WWOX: variants seen among roughly 807,000 people sequenced by gnomAD.
The protein encoded by WWOX is WW domain-containing oxidoreductase.
Under a neutral mutation model 46.2 loss-of-function variants are expected in WWOX, and 69 were observed. The ratio of observed to expected loss-of-function variants is 1.49; its 90% CI spans 1.23 to 1.82. The LOEUF (loss-of-function observed/expected upper bound fraction) is 1.82, where lower values mean the gene tolerates loss of function less well. Ranked by LOEUF, WWOX falls within the 40% of genes most tolerant of loss-of-function variation. WWOX has a pLI of 0.00. For synonymous variants in WWOX, 359 were observed against 202.6 expected (o/e 1.77, Z -6.56); for missense variants, 919 against 542.6 (o/e 1.69, Z -6.89).
At chr16:78,729,840 C>G (rs1446610666) in intron 8 of WWOX, among the ~76,000 whole-genome samples, 2 of 152,254 alleles carry the variant, frequency 1.3e-5, no homozygotes, top group Non-Finnish European at 2.9e-5. Context: ...CTATGCAGTG[C>G]TTTCTTCCTG....
At chr16:78,637,809 C>G (rs1417676444) in intron 8 of WWOX, among the ~76,000 whole-genome samples, 1 of 152,068 alleles carries the variant, frequency 6.6e-6, no homozygotes, top group Non-Finnish European at 1.5e-5. Flanking sequence ...GTAACATTGT[C>G]CCAGGCCAGG....
chr16:78,671,380 G>C (rs1236150789), intron 8 of WWOX, among the ~76,000 whole-genome samples: 1 of 152,204 alleles, frequency 6.6e-6, no homozygotes, highest in African/African-American at 2.4e-5. Flanking sequence ...AGCTGAGATT[G>C]TGCCACTGCA....
At chr16:78,603,932 A>G (rs962017419) in intron 8 of WWOX, among the ~76,000 whole-genome samples, 3 of 152,052 alleles carry the variant, frequency 2.0e-5, no homozygotes, top group Non-Finnish European at 4.4e-5. Flanking sequence ...GCTTGAGCCT[A>G]GGAGTTCAAG....
chr16:78,702,388 G>A (rs931071454), intron 8 of WWOX, among the ~76,000 whole-genome samples: 1 of 152,010 alleles, frequency 6.6e-6, no homozygotes, highest in East Asian at 1.9e-4. Flanking sequence ...GGTAGCTCAC[G>A]CCTGTAATTC....
At chr16:79,185,898 A>G (rs1222187018) in intron 8 of WWOX, among the ~76,000 whole-genome samples, 4 of 152,072 alleles carry the variant, frequency 2.6e-5, no homozygotes, top group Non-Finnish European at 5.9e-5. Context: ...GAGGCCTGAT[A>G]TTAGGAAAAA....
At chr16:78,271,736 T>C (rs2079480846) in intron 5 of WWOX, among the ~76,000 whole-genome samples, 1 of 152,244 alleles carries the variant, frequency 6.6e-6, no homozygotes, top group South Asian at 2.1e-4. Flanking sequence ...CATGGGACTC[T>C]GCCCAGCGAG....
chr16:78,194,317 G>T (rs1364962038), intron 5 of WWOX, among the ~76,000 whole-genome samples: 1 of 151,862 alleles, frequency 6.6e-6, no homozygotes, highest in East Asian at 1.9e-4. Flanking sequence ...GCCGGGCGTG[G>T]TGTCTCACAC....
At chr16:79,107,997 C>T (rs1421298722) in intron 8 of WWOX, among the ~76,000 whole-genome samples, 3 of 152,290 alleles carry the variant, frequency 2.0e-5, no homozygotes, top group African/African-American at 4.8e-5. Context: ...TATTCCTATT[C>T]AGCATATGTA....
At chr16:78,325,394 G>C (rs946731376) in intron 5 of WWOX, among the ~76,000 whole-genome samples, 2 of 152,066 alleles carry the variant, frequency 1.3e-5, no homozygotes, top group Non-Finnish European at 2.9e-5. Context: ...TTCTATTGCA[G>C]TATTTAATGA....
At chr16:78,559,760 C>T (rs557197336) in intron 8 of WWOX, among the ~76,000 whole-genome samples, 3 of 152,180 alleles carry the variant, frequency 2.0e-5, no homozygotes, top group Non-Finnish European at 2.9e-5. Context: ...TGACTTTAAT[C>T]GTGTGAATGT....
chr16:78,799,610 A>T (rs1308917279), intron 8 of WWOX, among the ~76,000 whole-genome samples: 1 of 70,920 alleles, frequency 1.4e-5, no homozygotes, highest in Non-Finnish European at 2.6e-5. Context: ...GGCCAAGGTC[A>T]CATGGCTTTG....
chr16:78,908,430 G>C (rs1288405915), intron 8 of WWOX, among the ~76,000 whole-genome samples: 1 of 151,782 alleles, frequency 6.6e-6, no homozygotes, highest in Admixed American at 6.6e-5. Context: ...ATCCTAGCTA[G>C]TCGGGAGGCA....
At chr16:78,259,476 G>T (rs1350749761) in intron 5 of WWOX, among the ~76,000 whole-genome samples, 1 of 144,928 alleles carries the variant, frequency 6.9e-6, no homozygotes, top group Non-Finnish European at 1.5e-5. Flanking sequence ...ACAGGCACAC[G>T]CCACTATGCC....
At chr16:78,861,257 C>T (rs1276130426) in intron 8 of WWOX, among the ~76,000 whole-genome samples, 2 of 152,196 alleles carry the variant, frequency 1.3e-5, no homozygotes, top group African/African-American at 4.8e-5. Context: ...CTCCCTCTGC[C>T]TGACTTCAAG....
intron 8 of WWOX, among the ~76,000 whole-genome samples, chr16:79,013,243 G>T (rs2047348188): frequency 6.6e-6 from 1 of 152,098 alleles, no homozygotes; most frequent in South Asian, 2.1e-4. Flanking sequence ...CTCCCACAGG[G>T]TCGAGAGTGA....
At chr16:78,456,593 G>T (rs193240242) in intron 8 of WWOX, among the ~76,000 whole-genome samples, 4 of 151,962 alleles carry the variant, frequency 2.6e-5, no homozygotes, top group Non-Finnish European at 5.9e-5. Flanking sequence ...TTCTTCTGAT[G>T]GGTATGTAGT....
intron 8 of WWOX, among the ~76,000 whole-genome samples, chr16:78,817,403 C>A (rs1167821551): frequency 2.0e-5 from 3 of 152,060 alleles, no homozygotes; most frequent in Non-Finnish European, 2.9e-5. Context: ...GCATTTGCCT[C>A]CTTAAAGAGC....
At position 78,819,281 on chromosome 16, in the gene WWOX, C is replaced by G. The variant is rs564298714; in HGVS notation, c.1056+386529C>G. On this transcript the variant is annotated intron_variant, in intron 8 of 8. Transcript: ENST00000566780. ...GTGGGACTTGATTCTGGAGGCAAGA[C>G]TCAACTCCATAGACAGGGCTTACAC... Among the ~76,000 whole-genome samples the G allele has an allele frequency of 9.9e-4, 150 of 152,252 alleles. No individual in the cohort carries two copies. In the South Asian group the frequency reaches 0.011, roughly 11 times the overall value.
intron 8 of WWOX, among the ~76,000 whole-genome samples, chr16:78,843,886 C>A (rs1258656751): frequency 1.3e-5 from 2 of 152,152 alleles, no homozygotes; most frequent in Non-Finnish European, 2.9e-5. Flanking sequence ...AGCGCTGCAT[C>A]CTTGGTAGCG....
Sources: gnomAD v4.1 joint callset for allele counts (sites outside exome capture counted in the v4.1 genomes callset) on GRCh38, gnomAD v4.1.1 for gene constraint, MANE v1.5 for transcripts, NCBI Gene and HGNC (gene_info 2026-07-23, HGNC 2026-07-21) for gene names.